CWC25: variants seen among roughly 807,000 people sequenced by gnomAD.
The protein encoded by CWC25 is CWC25 spliceosome associated protein.
Under a neutral mutation model 54.6 loss-of-function variants are expected in CWC25, and 31 were observed. The observed-to-expected ratio is 0.57, with a 90% confidence interval of 0.43 to 0.77. CWC25 has a LOEUF of 0.77. CWC25 is among the 30% of genes least tolerant of loss of function. The probability of loss-of-function intolerance (pLI) is 0.00; values close to 1 mark genes in which losing one functional copy is unlikely to be tolerated. For synonymous variants in CWC25, 151 were observed against 187.0 expected (o/e 0.81, Z 1.57); for missense variants, 453 against 529.3 (o/e 0.86, Z 1.41).
In CWC25 at chr17:38,802,725, C is replaced by T. The variant is rs759708241; in HGVS notation, c.1138G>A (p.Asp380Asn). Residue 380 changes from aspartate to asparagine, a missense_variant, in exon 9 of 10, where the codon GAC becomes AAC. This residue lies in a region of CWC25 where 444 missense variants were observed against 499.2 expected (regional missense o/e 0.89). Coordinates refer to ENST00000614790, the MANE Select transcript of CWC25 (RefSeq NM_017748.5). Reference protein sequence around the residue: ...EEREQRLEKLDSRDGKFIHRM... With the variant: ...EEREQRLEKLNSRDGKFIHRM... ...TGGATGAACTTCCCATCCCGGGAGT[C>T]CAGCTTCTCTAGCCTCTGCTCCCGT... The T allele has an allele frequency of 2.0e-5, 33 of 1,613,898 alleles. No homozygotes were observed. In the East Asian group the frequency reaches 6.7e-4, roughly 33 times the overall value.
intron 7 of CWC25, 77 bp downstream of exon 7, chr17:38,806,688 C>G: frequency 7.5e-7 from 1 of 1,338,850 alleles, no homozygotes; most frequent in South Asian, 1.5e-5. Context: ...ACGGACATCA[C>G]CAAAAGCAAA....
chr17:38,805,185 G>A (rs1219458632), intron 8 of CWC25, among the ~76,000 whole-genome samples: 1 of 151,914 alleles, frequency 6.6e-6, no homozygotes, highest in African/African-American at 2.4e-5. Flanking sequence ...TGGGACAGGA[G>A]AATCACTTGA....
intron 3 of CWC25, among the ~76,000 whole-genome samples, chr17:38,813,761 C>T (rs1252208848): frequency 6.6e-6 from 1 of 152,044 alleles, no homozygotes; most frequent in Non-Finnish European, 1.5e-5. Context: ...TCAGGCTGGT[C>T]TCAATTTCCT....
At chr17:38,808,861 G>C (rs1911362248) in intron 6 of CWC25, among the ~76,000 whole-genome samples, 1 of 150,692 alleles carries the variant, frequency 6.6e-6, no homozygotes, top group South Asian at 2.1e-4. Flanking sequence ...CAGGAGAATT[G>C]CTTGAACCCA....
chr17:38,807,322 CAA>C lies in CWC25; in HGVS notation c.691-348_691-347del, dbSNP rs57710053. On this transcript the variant is annotated intron_variant, in intron 6 of 9. Transcript: ENST00000614790. ...TGGATGACAGAGCGAGACTCCGTCT[CAA>C]AAAAAAAAAAAAAAAAAAGAAAAGG... is the stretch of plus-strand genomic sequence containing the variant. 2.4e-3 allele frequency among the ~76,000 whole-genome samples: 136 copies of C among 56,528 alleles called. 1 individual carries two copies. Among genetic ancestry groups the C allele is most frequent in the African/African-American group, 2.4e-3 (38 of 15,698 alleles). The allele number at this position is 56,528 out of a possible 152,430, so 37.1% of individuals were successfully genotyped here.
At chr17:38,823,838 C>T (rs1222176189) in intron 1 of CWC25, among the ~76,000 whole-genome samples, 1 of 152,172 alleles carries the variant, frequency 6.6e-6, no homozygotes, top group East Asian at 1.9e-4. Context: ...CTGGTGGAGA[C>T]GGGTGTTAGT....
Position 38,812,706 on chromosome 17 carries a change from T to C in CWC25, c.498+89A>G. 5.5e-6 allele frequency: 4 copies of C among 732,076 alleles called. 1 individual carries two copies. The South Asian group carries it at 7.1e-5, about 13-fold the overall frequency. 45.3% of individuals were successfully genotyped at this position (732,076 alleles called of 1,614,324 possible). On this transcript the variant is annotated intron_variant, in intron 4 of 9. Coordinates refer to ENST00000614790, the MANE Select transcript of CWC25 (RefSeq NM_017748.5). The stretch of plus-strand genomic sequence containing the variant: ...AAAGTTTTAGAGGCCATTCTGTTTT[T>C]CCCCTGGTAAGCTGAGAGTAAATGG...
At chr17:38,802,967 G>C (rs1911091183) in intron 8 of CWC25, 106 bp from the exon 9 acceptor site, 5 of 1,344,686 alleles carry the variant, frequency 3.7e-6, no homozygotes, top group Non-Finnish European at 5.2e-6. Flanking sequence ...CCAGTTCACT[G>C]CTCTCTCCAA....
chr17:38,825,228 G>C lies in CWC25; in HGVS notation c.-45C>G. On this transcript the variant is annotated 5_prime_UTR_variant, in exon 1 of 10. Transcript: ENST00000614790. ...CACTACGCGGATCTGGAAGATTTCGGGAGGATCAAGAGAAAACGTAGAGAA... is the reference window on the plus strand; with the variant it reads ...CACTACGCGGATCTGGAAGATTTCGCGAGGATCAAGAGAAAACGTAGAGAA... 12 of 1,572,136 alleles carry C rather than the reference G, an allele frequency of 7.6e-6. No homozygotes were observed. The highest frequency in any genetic ancestry group is 1.0e-5 in the Non-Finnish European group (12 of 1,159,806).
chr17:38,803,731 C>CTTAA (rs1911117207), intron 8 of CWC25, among the ~76,000 whole-genome samples: 1 of 140,896 alleles, frequency 7.1e-6, no homozygotes, highest in South Asian at 2.1e-4. Context: ...GAGTAGGAGG[C>CTTAA]TTAAAAAAAA....
At chr17:38,810,251 C>T in intron 5 of CWC25, 1 of 564,368 alleles carries the variant, frequency 1.8e-6, no homozygotes, top group African/African-American at 1.9e-5. Flanking sequence ...CTCTCTCCAG[C>T]AGCATGGCCA....
chr17:38,811,835 A>G (rs1911500845), intron 4 of CWC25, among the ~76,000 whole-genome samples: 1 of 152,194 alleles, frequency 6.6e-6, no homozygotes, highest in Admixed American at 6.5e-5. Flanking sequence ...AATTCCACTG[A>G]AAGCAGTCAG....
chr17:38,823,478 AAAAAG>A (rs1347348681), intron 1 of CWC25, among the ~76,000 whole-genome samples: 2 of 151,940 alleles, frequency 1.3e-5, no homozygotes, highest in East Asian at 1.9e-4. Flanking sequence ...TTAAAAAAAA[AAAAAG>A]AAAAGAGAAT....
rs529468794 is a variant in CWC25, at chr17:38,825,053, C to T, written c.18+113G>A. ...CCTCTTCAGGGCAACGGCCTCCTCC[C>T]GGCGAAAGCAAAGCTGCGTTGCCAT... On this transcript the variant is annotated intron_variant, in intron 1 of 9. Transcript: ENST00000614790. 8 of 1,010,668 alleles carry T rather than the reference C, an allele frequency of 7.9e-6. No individual in the cohort carries two copies. In the South Asian group the frequency reaches 1.3e-4, roughly 16 times the overall value. The allele number at this position is 1,010,668 out of a possible 1,614,324, so 62.6% of individuals were successfully genotyped here.
At chr17:38,807,505 C>T (rs1911303790) in intron 6 of CWC25, among the ~76,000 whole-genome samples, 1 of 140,352 alleles carries the variant, frequency 7.1e-6, no homozygotes, top group Non-Finnish European at 1.6e-5. Flanking sequence ...ACCTTGAATC[C>T]CAACACTTTG....
intron 4 of CWC25, among the ~76,000 whole-genome samples, chr17:38,811,262 G>A (rs902559677): frequency 6.7e-6 from 1 of 150,356 alleles, no homozygotes; most frequent in Admixed American, 6.6e-5. Context: ...GCCCAGGCGG[G>A]GTGGCTCATA....
At chr17:38,815,521 C>A (rs1911662282) in intron 2 of CWC25, 3 of 523,930 alleles carry the variant, frequency 5.7e-6, no homozygotes, top group South Asian at 4.6e-5. Flanking sequence ...CACTGCACTC[C>A]AGCCTGGGTG....
At chr17:38,808,720 G>A (rs1048829171) in intron 6 of CWC25, among the ~76,000 whole-genome samples, 2 of 151,692 alleles carry the variant, frequency 1.3e-5, no homozygotes, top group African/African-American at 4.8e-5. Context: ...GGCAGAGGTT[G>A]CAGTGAGCTG....
At chr17:38,815,709 G>A (rs1340089810) in intron 2 of CWC25, 1 of 1,275,124 alleles carries the variant, frequency 7.8e-7, no homozygotes, top group Non-Finnish European at 1.0e-6. Context: ...CCTTTACAGA[G>A]TCTTTATATT....
Sources: gnomAD v4.1 joint callset for allele counts (sites outside exome capture counted in the v4.1 genomes callset) on GRCh38, gnomAD v4.1.1 for gene constraint, gnomAD v4.1.1 regional missense constraint, MANE v1.5 for transcripts, NCBI Gene and HGNC (gene_info 2026-07-23, HGNC 2026-07-21) for gene names.